PCBP3: variants seen among roughly 807,000 people sequenced by gnomAD.
The protein encoded by PCBP3 is poly(rC) binding protein 3.
Under a neutral mutation model 52.7 loss-of-function variants are expected in PCBP3, and 25 were observed. The ratio of observed to expected loss-of-function variants is 0.47; its 90% CI spans 0.35 to 0.66. The LOEUF is 0.66. Ranked by LOEUF, PCBP3 falls within the 30% of genes least tolerant of loss-of-function variation. The probability of loss-of-function intolerance (pLI) is 0.01; values close to 1 mark genes in which losing one functional copy is unlikely to be tolerated. For synonymous variants in PCBP3, 162 were observed against 183.0 expected, an observed-to-expected ratio of 0.89 and a Z score of 0.93; for missense variants, 391 against 490.3, an observed-to-expected ratio of 0.80 and a Z score of 1.91.
intron 2 of PCBP3, among the ~76,000 whole-genome samples, chr21:45,674,113 A>T (rs1289442775): frequency 6.6e-6 from 1 of 152,190 alleles, no homozygotes; most frequent in African/African-American, 2.4e-5. Context: ...TCACTGAATT[A>T]TCTTGACTTG....
intron 4 of PCBP3, among the ~76,000 whole-genome samples, chr21:45,814,656 AGTGGTGAGTGATGAGTGG>A (rs1569258498): frequency 2.2e-5 from 2 of 91,010 alleles, no homozygotes; most frequent in Non-Finnish European, 4.3e-5. Flanking sequence ...GTGGTGAGTG[AGTGGTGAGTGATGAGTGG>A]TGAGTGGTGA....
rs748865008 is a variant in PCBP3 at position 45,928,238 on chromosome 21, C to T, written c.718-1679C>T. On this transcript the variant is annotated intron_variant, in intron 13 of 17. Transcript: ENST00000681687. The surrounding 1 kb of genome is among the most constrained non-coding windows in gnomAD (Gnocchi z 4.1). ...GGATGTCCCCCACAAGCTCTCCTGG[C>T]ACCCTCGTCAGGGGCTTCCACACAC... is the stretch of plus-strand genomic sequence containing the variant. Among the ~76,000 whole-genome samples the T allele has an allele frequency of 1.3e-5, 2 of 152,204 alleles. No individual in the cohort carries two copies. The highest frequency in any genetic ancestry group is 2.4e-5 in the African/African-American group (1 of 41,466).
At chr21:45,732,186 T>G (rs2085503587) in intron 2 of PCBP3, among the ~76,000 whole-genome samples, 1 of 152,174 alleles carries the variant, frequency 6.6e-6, no homozygotes, top group African/African-American at 2.4e-5. Flanking sequence ...CTTTCATTAC[T>G]TTAGAGATAG....
At chr21:45,644,980 GTCC>G (rs2079162091) in intron 1 of PCBP3, among the ~76,000 whole-genome samples, 1 of 152,172 alleles carries the variant, frequency 6.6e-6, no homozygotes. Context: ...CTAACTCCCA[GTCC>G]TCCTCATATT....
chr21:45,676,168 C>T (rs1337610121), intron 2 of PCBP3, among the ~76,000 whole-genome samples: 1 of 152,142 alleles, frequency 6.6e-6, no homozygotes, highest in Non-Finnish European at 1.5e-5. Flanking sequence ...GTTATTCAGA[C>T]TTGTATTTTT....
chr21:45,874,946 C>G (rs1603461415), intron 5 of PCBP3, among the ~76,000 whole-genome samples: 1 of 152,196 alleles, frequency 6.6e-6, no homozygotes, highest in South Asian at 2.1e-4. Flanking sequence ...GGTCCCAAAC[C>G]GAGAGTGGCT....
At position 45,917,697 on chromosome 21, in the gene PCBP3, T is replaced by G; in HGVS notation, c.717+68T>G. ...GGTTGTTTACCTACCTGCATGCTGC[T>G]GTTAATTGCTACTAACATTAATATT... On this transcript the variant is annotated intron_variant, in intron 13 of 17. Transcript: ENST00000681687. The surrounding 1 kb of genome is among the most constrained non-coding windows in gnomAD (Gnocchi z 5.3). 8.7e-7 allele frequency: 1 copy of G among 1,154,898 alleles called. No homozygotes were observed. Among genetic ancestry groups the G allele is most frequent in the Non-Finnish European group, 1.3e-6 (1 of 760,852 alleles). The allele number at this position is 1,154,898 out of a possible 1,614,324, so 71.5% of individuals were successfully genotyped here.
chr21:45,655,395 G>T (rs1360380743), intron 1 of PCBP3, among the ~76,000 whole-genome samples: 1 of 151,914 alleles, frequency 6.6e-6, no homozygotes, highest in Non-Finnish European at 1.5e-5. Context: ...ATTTATGAGG[G>T]TTCCAATTTC....
At chr21:45,901,239 C>T (rs1192711959) in intron 9 of PCBP3, 126 bp downstream of exon 9, 2 of 709,464 alleles carry the variant, frequency 2.8e-6, no homozygotes, top group African/African-American at 3.5e-5. Context: ...AACCCCATAA[C>T]TACGCTCACC....
rs1327128568 is a variant in PCBP3, at chr21:45,741,857, G to T, written c.-162+6428G>T. ...AATCTGAGGCAGATCTTTCTCCTCAGGTTGCTTGAGCTCTGCAGCGTTAGG... is the reference window on the plus strand; with the variant it reads ...AATCTGAGGCAGATCTTTCTCCTCATGTTGCTTGAGCTCTGCAGCGTTAGG... On this transcript the variant is annotated intron_variant, in intron 3 of 17. Transcript: ENST00000681687. The surrounding 1 kb of genome is among the most constrained non-coding windows in gnomAD (Gnocchi z 4.5). Among the ~76,000 whole-genome samples the T allele has an allele frequency of 6.6e-6, 1 of 152,110 alleles. No homozygotes were observed. Among genetic ancestry groups the T allele is most frequent in the Non-Finnish European group, 1.5e-5 (1 of 68,014 alleles).
chr21:45,710,144 C>T (rs2083731896), intron 2 of PCBP3, among the ~76,000 whole-genome samples: 1 of 152,178 alleles, frequency 6.6e-6, no homozygotes, highest in South Asian at 2.1e-4. Flanking sequence ...AGTGACTCTT[C>T]TTTTTTATTA....
chr21:45,812,634 C>T lies in PCBP3; in HGVS notation c.-125-37327C>T, dbSNP rs145505099. ...CCAGAACTGCTGGCCTCAGGTGATCCGCCCGCTTCGGCCTCCCAAAGTGCT... is the reference window on the plus strand; with the variant it reads ...CCAGAACTGCTGGCCTCAGGTGATCTGCCCGCTTCGGCCTCCCAAAGTGCT... On this transcript the variant is annotated intron_variant, in intron 4 of 17. Transcript: ENST00000681687. Among the ~76,000 whole-genome samples, 878 of 152,300 alleles carry T rather than the reference C, an allele frequency of 5.8e-3. 7 individuals carry two copies. The highest frequency in any genetic ancestry group is 0.02 in the African/African-American group (812 of 41,560).
intron 1 of PCBP3, among the ~76,000 whole-genome samples, chr21:45,652,533 C>T (rs191206363): frequency 2.0e-5 from 3 of 151,542 alleles, no homozygotes; most frequent in Non-Finnish European, 2.9e-5. Flanking sequence ...CTCCTCTTTC[C>T]GGGTTCAAGC....
intron 2 of PCBP3, among the ~76,000 whole-genome samples, chr21:45,686,040 T>C (rs2082134474): frequency 6.6e-6 from 1 of 150,762 alleles, no homozygotes; most frequent in Admixed American, 6.6e-5. Context: ...TGCCTCAGCC[T>C]CCTGAGTAGC....
chr21:45,868,647 GT>G (rs1355957748), intron 5 of PCBP3, among the ~76,000 whole-genome samples: 2 of 152,208 alleles, frequency 1.3e-5, no homozygotes, highest in African/African-American at 4.8e-5. Flanking sequence ...CTGCGAGCCT[GT>G]CCCTGGGCCC....
intron 2 of PCBP3, among the ~76,000 whole-genome samples, chr21:45,707,377 G>A (rs1302485532): frequency 2.6e-5 from 4 of 152,034 alleles, no homozygotes; most frequent in South Asian, 2.1e-4. Context: ...TTGTCTGGGC[G>A]TGATGGTGGG....
At chr21:45,898,613 C>T (rs1397973714) in intron 6 of PCBP3, among the ~76,000 whole-genome samples, 4 of 124,910 alleles carry the variant, frequency 3.2e-5, no homozygotes, top group African/African-American at 1.1e-4. Context: ...CTCTACACAC[C>T]GTCCTCACGG....
In PCBP3 at chr21:45,940,050, A is replaced by G; in HGVS notation, c.930A>G (p.Gly310=). The G allele has an allele frequency of 6.2e-7, 1 of 1,614,032 alleles. No homozygotes were observed. Among genetic ancestry groups the G allele is most frequent in the Non-Finnish European group, 8.5e-7 (1 of 1,179,948 alleles). ...IPNDLIGCII[G]RQGTKINEIR... ...TCTAGCTAATAGGCTGCATAATTGG[A>G]CGCCAAGGGACCAAAATCAATGAAA... Residue 310 remains glycine, a synonymous_variant, in exon 17 of 18, where the codon GGA becomes GGG. Coordinates refer to ENST00000681687, the MANE Select transcript of PCBP3 (RefSeq NM_001384156.1).
intron 4 of PCBP3, among the ~76,000 whole-genome samples, chr21:45,822,418 C>G (rs1406836535): frequency 1.3e-5 from 2 of 152,232 alleles, no homozygotes; most frequent in Non-Finnish European, 2.9e-5. Context: ...AAGAACTGAT[C>G]TCTTTCCAGG....
Sources: gnomAD v4.1 joint callset for allele counts (sites outside exome capture counted in the v4.1 genomes callset) on GRCh38, gnomAD v4.1.1 for gene constraint, Gnocchi (gnomAD v3.1) non-coding constraint, MANE v1.5 for transcripts, NCBI Gene and HGNC (gene_info 2026-07-23, HGNC 2026-07-21) for gene names.